Variants in SYNPR observed in about 807,000 individuals in gnomAD.
SYNPR encodes synaptoporin.
In SYNPR, 23 loss-of-function variants were observed where a neutral mutation model predicts 32.9. The ratio of observed to expected loss-of-function variants is 0.70; its 90% CI spans 0.50 to 0.99. The LOEUF is 0.99. SYNPR is among the 50% of genes least tolerant of loss of function. SYNPR has a pLI of 0.00. For missense variants in SYNPR, 318 were observed against 349.3 expected, an observed-to-expected ratio of 0.91 and a Z score of 0.71; for synonymous variants, 146 against 135.9, an observed-to-expected ratio of 1.07 and a Z score of -0.52.
At chr3:63,345,710 G>A (rs760386277) in intron 2 of SYNPR, among the ~76,000 whole-genome samples, 5 of 152,226 alleles carry the variant, frequency 3.3e-5, no homozygotes, top group Non-Finnish European at 7.3e-5. Context: ...GGGAGGGAGA[G>A]AAAGGTGAGA....
At chr3:63,508,994 T>C (rs193182924) in intron 3 of SYNPR, among the ~76,000 whole-genome samples, 2 of 152,096 alleles carry the variant, frequency 1.3e-5, no homozygotes, top group Non-Finnish European at 2.9e-5. Flanking sequence ...TTTTAACAAA[T>C]AGGAAAGTAA....
chr3:63,343,646 AC>A (rs2087398991), intron 2 of SYNPR, among the ~76,000 whole-genome samples: 1 of 152,090 alleles, frequency 6.6e-6, no homozygotes, highest in Admixed American at 6.6e-5. Flanking sequence ...ACTATCAAAA[AC>A]CATCTCTGCT....
In SYNPR at chr3:63,480,885, G is replaced by A; in HGVS notation, c.138G>A (p.Arg46=). 1 of 1,613,604 alleles carries A rather than the reference G, an allele frequency of 6.2e-7. No individual in the cohort carries two copies. Among genetic ancestry groups the A allele is most frequent in the Non-Finnish European group, 8.5e-7 (1 of 1,179,622 alleles). Residue 46 remains arginine (R), a synonymous_variant, in exon 3 of 6, where the codon CGG becomes CGA. Transcript: ENST00000478300. The part of the protein sequence containing the change: ...ATCGGYSGGL[R]LSVDCVNKTE... ...GCGGTGGCTATTCTGGAGGCCTGCG[G>A]CTGAGTGTGGACTGCGTCAACAAGA... is the stretch of plus-strand genomic sequence containing the variant.
intron 3 of SYNPR, among the ~76,000 whole-genome samples, chr3:63,545,850 A>G (rs1253042553): frequency 1.3e-5 from 2 of 152,168 alleles, no homozygotes; most frequent in East Asian, 1.9e-4. Flanking sequence ...ATTCTAAACA[A>G]AAGGTCAGAT....
intron 2 of SYNPR, among the ~76,000 whole-genome samples, chr3:63,293,722 G>T (rs1224656361): frequency 6.6e-6 from 1 of 152,010 alleles, no homozygotes; most frequent in Admixed American, 6.6e-5. Context: ...GGCAATATTT[G>T]GTGTTCCTTG....
Position 63,359,990 on chromosome 3 carries a change from G to A in SYNPR, c.84+81248G>A, listed in dbSNP as rs950765018. On this transcript the variant is annotated intron_variant, in intron 2 of 5. Transcript: ENST00000478300. ...GTGGTTTATCAAGAGGCGATTTATA[G>A]CCAGTCTCATCTGATTCTCAAACAT... Among the ~76,000 whole-genome samples, 7 of 152,248 alleles carry A rather than the reference G, an allele frequency of 4.6e-5. No individual in the cohort carries two copies. In the South Asian group the frequency reaches 1.4e-3, roughly 32 times the overall value.
chr3:63,365,719 G>A lies in SYNPR; in HGVS notation c.84+86977G>A, dbSNP rs563795185. The stretch of plus-strand genomic sequence containing the variant: ...ATGTTATCCAGGGCAGAAAGGACCC[G>A]TATTTATTCAAAAGATATATATTTT... On this transcript the variant is annotated intron_variant, in intron 2 of 5. Transcript: ENST00000478300. Among the ~76,000 whole-genome samples, 11 of 152,230 alleles carry A rather than the reference G, an allele frequency of 7.2e-5. No individual in the cohort carries two copies. In the East Asian group the frequency reaches 7.7e-4, roughly 11 times the overall value.
chr3:63,362,458 C>A (rs6762466), intron 2 of SYNPR, among the ~76,000 whole-genome samples: 41,485 of 151,880 alleles, frequency 0.27, 5,771 homozygotes, highest in Middle Eastern at 0.33. Context: ...GTACAATAAT[C>A]TCTCTATTCT....
intron 2 of SYNPR, among the ~76,000 whole-genome samples, chr3:63,387,977 G>T (rs1170767517): frequency 6.6e-6 from 1 of 152,164 alleles, no homozygotes; most frequent in African/African-American, 2.4e-5. Flanking sequence ...ATGGGAGCAG[G>T]CTGGGGCAGA....
intron 2 of SYNPR, among the ~76,000 whole-genome samples, chr3:63,457,545 A>T (rs1700505462): frequency 6.6e-6 from 1 of 152,220 alleles, no homozygotes; most frequent in South Asian, 2.1e-4. Context: ...GATTGAAGAG[A>T]TCTTCAAGTG....
intron 2 of SYNPR, among the ~76,000 whole-genome samples, chr3:63,337,656 C>T (rs1201747847): frequency 3.3e-5 from 5 of 152,128 alleles, no homozygotes; most frequent in East Asian, 1.9e-4. Flanking sequence ...GTGGTACGTC[C>T]GTACAATGGA....
chr3:63,604,831 T>A (rs1264939359), intron 4 of SYNPR, among the ~76,000 whole-genome samples: 1 of 152,222 alleles, frequency 6.6e-6, no homozygotes, highest in African/African-American at 2.4e-5. Flanking sequence ...TGAAGTTTTG[T>A]TTGGGAAAAC....
chr3:63,602,362 A>G (rs1009913989), intron 4 of SYNPR, among the ~76,000 whole-genome samples: 3 of 151,908 alleles, frequency 2.0e-5, no homozygotes, highest in East Asian at 1.9e-4. Context: ...ACTAGTTCCC[A>G]TTTGTCAGTT....
At chr3:63,528,378 C>A (rs906815365) in intron 3 of SYNPR, among the ~76,000 whole-genome samples, 1 of 152,144 alleles carries the variant, frequency 6.6e-6, no homozygotes, top group African/African-American at 2.4e-5. Flanking sequence ...ATGCAATATG[C>A]AACAATTCCA....
intron 2 of SYNPR, among the ~76,000 whole-genome samples, chr3:63,349,155 T>G (rs2087474800): frequency 6.6e-6 from 1 of 151,942 alleles, no homozygotes; most frequent in Admixed American, 6.6e-5. Flanking sequence ...CAGACTGGAG[T>G]GCAGTGGCAA....
chr3:63,420,290 G>A (rs568372006), intron 2 of SYNPR, among the ~76,000 whole-genome samples: 9 of 152,194 alleles, frequency 5.9e-5, no homozygotes, highest in African/African-American at 2.2e-4. Flanking sequence ...ACAAAAGAGA[G>A]GGCAATGTTA....
rs568351477 is a variant in SYNPR at position 63,601,150 on chromosome 3, T to C, written c.409-7975T>C. Among the ~76,000 whole-genome samples the C allele has an allele frequency of 3.9e-5, 6 of 151,990 alleles. No homozygotes were observed. In the East Asian group the frequency reaches 1.2e-3, roughly 30 times the overall value. On this transcript the variant is annotated intron_variant, in intron 4 of 5. Transcript: ENST00000478300. The stretch of plus-strand genomic sequence containing the variant: ...AGCCGGGCTTGGTGGCACATGGCTA[T>C]AATCTCAGCTACTTGGGAAGGCTGA...
chr3:63,232,251 G>C (rs1440670009), intron 1 of SYNPR, among the ~76,000 whole-genome samples: 1 of 140,098 alleles, frequency 7.1e-6, no homozygotes, highest in East Asian at 2.1e-4. Flanking sequence ...GTCCAGGCTG[G>C]AGTGCAATGG....
chr3:63,339,383 T>A (rs1218770220), intron 2 of SYNPR, among the ~76,000 whole-genome samples: 1 of 152,206 alleles, frequency 6.6e-6, no homozygotes, highest in Non-Finnish European at 1.5e-5. Context: ...AATTACAGAT[T>A]CATAAGCAGT....
Sources: allele counts gnomAD v4.1 joint callset (sites outside exome capture counted in the v4.1 genomes callset), GRCh38; gene constraint gnomAD v4.1.1; transcripts MANE v1.5; gene names NCBI Gene and HGNC (gene_info 2026-07-23, HGNC 2026-07-21).